Variants in SPATA13 observed in about 807,000 individuals in gnomAD.
SPATA13 encodes spermatogenesis associated 13, also known as spermatogenesis-associated protein 13.
Under a neutral mutation model 104.0 loss-of-function variants are expected in SPATA13, and 50 were observed. The ratio of observed to expected loss-of-function variants is 0.48; its 90% confidence interval spans 0.38 to 0.61. The LOEUF is 0.61. Among genes scored for constraint, SPATA13 ranks in the 20% least tolerant of loss-of-function variants. SPATA13 has a pLI of 0.00. For missense variants in SPATA13, 1,524 were observed against 1,690.6 expected (o/e 0.90, Z 1.73); for synonymous variants, 606 against 667.5 (o/e 0.91, Z 1.42).
At chr13:24,183,999 A>G (rs1350593535) in intron 1 of SPATA13, among the ~76,000 whole-genome samples, 1 of 152,182 alleles carries the variant, frequency 6.6e-6, no homozygotes, top group Admixed American at 6.5e-5. Flanking sequence ...GAAAACTGAA[A>G]CACACAGGAA....
At chr13:24,133,540 G>GA (rs1422613018) in intron 3 of SPATA13, among the ~76,000 whole-genome samples, 1 of 151,974 alleles carries the variant, frequency 6.6e-6, no homozygotes, top group Non-Finnish European at 1.5e-5. Context: ...GAAGATGAGG[G>GA]AAAAAAAGCA....
intron 3 of SPATA13, among the ~76,000 whole-genome samples, chr13:24,021,971 A>G (rs1876995382): frequency 6.6e-6 from 1 of 151,726 alleles, no homozygotes; most frequent in South Asian, 2.1e-4. Context: ...TCGGCCTCCC[A>G]AAGTGCTGGG....
chr13:24,067,141 A>G (rs1208809240), intron 3 of SPATA13, among the ~76,000 whole-genome samples: 1 of 152,154 alleles, frequency 6.6e-6, no homozygotes, highest in Non-Finnish European at 1.5e-5. Flanking sequence ...ACCAAGCTGC[A>G]TAGACTTCTC....
intron 2 of SPATA13, among the ~76,000 whole-genome samples, chr13:23,995,443 T>C (rs1233579414): frequency 1.3e-5 from 2 of 152,098 alleles, no homozygotes; most frequent in African/African-American, 4.8e-5. Flanking sequence ...CTGATTATGC[T>C]GATAACTTAA....
In SPATA13 at chr13:24,303,977, T is replaced by C. The variant is rs1457584821; in HGVS notation, c.*1204T>C. ...TAAAAAGCTCATTTACTGTAATATT[T>C]ATGATACAGTGAATATGAAAATGCA... is the stretch of plus-strand genomic sequence containing the variant. On this transcript the variant is annotated 3_prime_UTR_variant, in exon 13 of 13. Transcript: ENST00000382108. The C allele has an allele frequency of 6.6e-6, 1 of 152,244 alleles. No homozygotes were observed. Among genetic ancestry groups the C allele is most frequent in the African/African-American group, 2.4e-5 (1 of 41,470 alleles). 9.4% of individuals were successfully genotyped at this position (152,244 alleles called of 1,614,324 possible). A position where few individuals can be genotyped will look rare whatever the true frequency, so the allele number is the denominator to read the frequency against.
At chr13:24,229,995 G>A (rs745605261) in intron 2 of SPATA13, among the ~76,000 whole-genome samples, 1 of 152,172 alleles carries the variant, frequency 6.6e-6, no homozygotes, top group Non-Finnish European at 1.5e-5. Context: ...CTTCATAAGG[G>A]TGACTGAATC....
At chr13:24,009,771 A>G (rs1437239985) in intron 2 of SPATA13, among the ~76,000 whole-genome samples, 4 of 152,226 alleles carry the variant, frequency 2.6e-5, no homozygotes, top group African/African-American at 4.8e-5. Flanking sequence ...GTTTCTTATC[A>G]GACTTAAGGT....
intron 3 of SPATA13, among the ~76,000 whole-genome samples, chr13:24,043,168 C>T (rs1167879211): frequency 1.3e-5 from 2 of 152,162 alleles, no homozygotes; most frequent in African/African-American, 4.8e-5. Context: ...TTCTCCGCAC[C>T]GCCTCTCTGG....
intron 1 of SPATA13, among the ~76,000 whole-genome samples, chr13:24,184,552 CTGTT>C (rs1869024654): frequency 6.6e-6 from 1 of 152,174 alleles, no homozygotes; most frequent in South Asian, 2.1e-4. Context: ...TCTAGAGTGT[CTGTT>C]TAACTTGTTG....
chr13:24,021,877 A>C (rs1047036069), intron 3 of SPATA13, among the ~76,000 whole-genome samples: 1 of 151,474 alleles, frequency 6.6e-6, no homozygotes. Context: ...ACGCCTGACT[A>C]ATTTTTTATA....
chr13:24,249,357 A>G, intron 2 of SPATA13, 120 bp from the exon 3 acceptor site: 1 of 1,260,008 alleles, frequency 7.9e-7, no homozygotes, highest in Admixed American at 3.0e-5. Context: ...CTGTTTTAAT[A>G]AACAAGTAAA....
At chr13:24,083,240 G>C (rs918569485) in intron 3 of SPATA13, among the ~76,000 whole-genome samples, 2 of 152,214 alleles carry the variant, frequency 1.3e-5, no homozygotes, top group Admixed American at 1.3e-4. Flanking sequence ...GAATAGAAAG[G>C]CACCTTTTTG....
At chr13:24,090,734 T>G (rs1226505191) in intron 3 of SPATA13, among the ~76,000 whole-genome samples, 11 of 152,238 alleles carry the variant, frequency 7.2e-5, no homozygotes, top group Admixed American at 7.2e-4. Flanking sequence ...TCCAGTGATT[T>G]GAACATATTT....
At chr13:24,166,773 C>T (rs985342450) in intron 1 of SPATA13, among the ~76,000 whole-genome samples, 3 of 152,238 alleles carry the variant, frequency 2.0e-5, no homozygotes, top group Non-Finnish European at 1.5e-5. Context: ...TGAACAGCTA[C>T]TCTCCATGTC....
chr13:24,118,164 C>G (rs950883527), intron 3 of SPATA13, among the ~76,000 whole-genome samples: 1 of 152,138 alleles, frequency 6.6e-6, no homozygotes, highest in South Asian at 2.1e-4. Flanking sequence ...GCGTAGACCA[C>G]CACTGCAGAA....
chr13:24,123,578 T>A (rs1410064637), intron 3 of SPATA13: 4 of 1,608,728 alleles, frequency 2.5e-6, no homozygotes, highest in Non-Finnish European at 3.4e-6. Flanking sequence ...TCTTTTGCAG[T>A]ACCTCTTTCC....
chr13:24,177,295 G>A (rs1868492066), intron 1 of SPATA13, among the ~76,000 whole-genome samples: 1 of 152,162 alleles, frequency 6.6e-6, no homozygotes, highest in Admixed American at 6.5e-5. Flanking sequence ...ATATGTCAGT[G>A]TGTCTGGCTG....
intron 2 of SPATA13, among the ~76,000 whole-genome samples, chr13:23,988,268 T>A (rs942235364): frequency 2.6e-5 from 4 of 152,196 alleles, no homozygotes; most frequent in Non-Finnish European, 5.9e-5. Context: ...TTTTTAAGGC[T>A]GAGTAATATT....
At chr13:24,121,023 C>CT (rs111792172) in intron 3 of SPATA13, among the ~76,000 whole-genome samples, 39 of 151,406 alleles carry the variant, frequency 2.6e-4, no homozygotes, top group Admixed American at 1.6e-3. Flanking sequence ...CTTTTCTTTT[C>CT]TTTTTTTTTC....
Sources: allele counts gnomAD v4.1 joint callset (sites outside exome capture counted in the v4.1 genomes callset), GRCh38; gene constraint gnomAD v4.1.1; transcripts MANE v1.5; gene names NCBI Gene and HGNC (gene_info 2026-07-23, HGNC 2026-07-21).